ROCK1: variants seen among roughly 807,000 people sequenced by gnomAD.
ROCK1 encodes the protein rho-associated protein kinase 1.
A neutral mutation model predicts 196.8 loss-of-function variants in ROCK1; 36 were observed. The ratio of observed to expected loss-of-function variants is 0.18; its 90% CI spans 0.14 to 0.24. The LOEUF (loss-of-function observed/expected upper bound fraction) is 0.24, where lower values mean the gene tolerates loss of function less well. ROCK1 is among the 10% of genes least tolerant of loss of function. ROCK1 has a pLI of 1.00. For missense variants in ROCK1, 920 were observed against 1,562.0 expected, an observed-to-expected ratio of 0.59 and a Z score of 6.93; for synonymous variants, 443 against 515.9, an observed-to-expected ratio of 0.86 and a Z score of 1.91.
chr18:20,979,536 C>T (rs62089198), intron 22 of ROCK1, among the ~76,000 whole-genome samples: 1,539 of 151,938 alleles, frequency 0.01, 15 homozygotes, highest in Non-Finnish European at 0.018. Context: ...GCAGGAGAAT[C>T]GCTTGAACCC....
At chr18:21,055,779 A>G (rs1316694798) in intron 2 of ROCK1, among the ~76,000 whole-genome samples, 1 of 152,212 alleles carries the variant, frequency 6.6e-6, no homozygotes, top group Non-Finnish European at 1.5e-5. Flanking sequence ...TCCCCACTGC[A>G]GCAAAATTTC....
intron 1 of ROCK1, among the ~76,000 whole-genome samples, chr18:21,107,354 C>T (rs760588368): frequency 6.6e-6 from 1 of 151,636 alleles, no homozygotes; most frequent in Non-Finnish European, 1.5e-5. Context: ...TGGAAGTTTC[C>T]ATTTCTAAGC....
At chr18:20,975,922 C>T (rs931690727) in intron 22 of ROCK1, among the ~76,000 whole-genome samples, 1 of 152,164 alleles carries the variant, frequency 6.6e-6, no homozygotes, top group Non-Finnish European at 1.5e-5. Context: ...ATATGTGGCA[C>T]TTTTAATCAC....
intron 1 of ROCK1, among the ~76,000 whole-genome samples, chr18:21,106,929 T>C (rs1049710575): frequency 6.6e-6 from 1 of 152,218 alleles, no homozygotes; most frequent in African/African-American, 2.4e-5. Context: ...TGAGTATCCC[T>C]TGTTTAAAAT....
intron 9 of ROCK1, among the ~76,000 whole-genome samples, chr18:21,033,854 TAA>T (rs71269004): frequency 0.048 from 1,589 of 33,316 alleles, 14 homozygotes; most frequent in Non-Finnish European, 0.064. Context: ...CCGTTTCTAC[TAA>T]AAAAAAAAAA....
intron 9 of ROCK1, among the ~76,000 whole-genome samples, chr18:21,035,321 G>A (rs2036047585): frequency 3.3e-5 from 5 of 152,176 alleles, no homozygotes; most frequent in Admixed American, 3.3e-4. Context: ...TGCTGGGAAT[G>A]TGAAATGGTG....
At chr18:20,998,581 G>A (rs1253915065) in intron 16 of ROCK1, among the ~76,000 whole-genome samples, 1 of 146,834 alleles carries the variant, frequency 6.8e-6, no homozygotes, top group Non-Finnish European at 1.5e-5. Flanking sequence ...TGACTTTACT[G>A]CTAAATTTTA....
intron 1 of ROCK1, among the ~76,000 whole-genome samples, chr18:21,109,137 A>G (rs1456329068): frequency 6.6e-6 from 1 of 152,172 alleles, no homozygotes. Context: ...TTATCTAAAC[A>G]ATCATCTGGA....
intron 4 of ROCK1, among the ~76,000 whole-genome samples, chr18:21,045,856 A>G (rs2036151092): frequency 6.7e-6 from 1 of 148,784 alleles, no homozygotes; most frequent in Admixed American, 6.7e-5. Flanking sequence ...CAATATCACA[A>G]TGCTCAAGAA....
chr18:21,023,542 T>C, intron 11 of ROCK1, 78 bp downstream of exon 11: 1 of 738,950 alleles, frequency 1.4e-6, no homozygotes. Flanking sequence ...AATATATAAA[T>C]TTACTATCAT....
chr18:20,997,082 G>A (rs1295897268), intron 16 of ROCK1, among the ~76,000 whole-genome samples: 51 of 152,200 alleles, frequency 3.4e-4, no homozygotes, highest in African/African-American at 2.4e-5. Context: ...CAAAATGGCA[G>A]GAGTATGTCC....
intron 18 of ROCK1, among the ~76,000 whole-genome samples, chr18:20,989,005 T>C (rs8094619): frequency 0.03 from 4,597 of 152,192 alleles, 244 homozygotes; most frequent in African/African-American, 0.1. Context: ...GGTAGTAAGA[T>C]TGTAAAGACA....
At position 20,970,464 on chromosome 18, in the gene ROCK1, CAG is replaced by C; in HGVS notation, c.2702_2703del (p.Ser901Ter). ...QLDLAETKAESEQLARGLLEE... is the reference protein window; with the variant it reads ...QLDLAETKAEXEQLARGLLEE... ...TCCAGAAGGCCTCGCGCCAACTGCT[CAG>C]ACTCAGCTTTTGTTTCTGCTAGATC... On this transcript the variant is annotated frameshift_variant, in exon 23 of 33. Coordinates refer to ENST00000399799, the MANE Select transcript of ROCK1 (RefSeq NM_005406.3). LOFTEE classifies it high-confidence loss of function. 6.2e-7 allele frequency: 1 copy of C among 1,613,760 alleles called. No individual in the cohort carries two copies. The highest frequency in any genetic ancestry group is 8.5e-7 in the Non-Finnish European group (1 of 1,179,702).
In ROCK1 at chr18:21,104,373, G is replaced by A. The variant is rs578140477; in HGVS notation, c.93+6445C>T. Among the ~76,000 whole-genome samples, 121 of 152,228 alleles carry A rather than the reference G, an allele frequency of 7.9e-4. 1 individual carries two copies. Among genetic ancestry groups the A allele is most frequent in the Non-Finnish European group, 1.4e-3 (93 of 68,002 alleles). On this transcript the variant is annotated intron_variant, in intron 1 of 32. Transcript: ENST00000399799. ...AGCACTGTGGGAGGCTGAGGCGGGC[G>A]GATCACGAGGCCAGGAGATCGAGAC...
intron 2 of ROCK1, among the ~76,000 whole-genome samples, chr18:21,068,144 T>C (rs2143547687): frequency 6.6e-6 from 1 of 152,346 alleles, no homozygotes; most frequent in East Asian, 1.9e-4. Flanking sequence ...AAAACTTGCC[T>C]AAGGAAAGTG....
intron 9 of ROCK1, among the ~76,000 whole-genome samples, chr18:21,033,653 A>T (rs1478403318): frequency 6.6e-6 from 1 of 151,894 alleles, no homozygotes; most frequent in Non-Finnish European, 1.5e-5. Context: ...CAAGATCAGA[A>T]ATAAAAGTTC....
chr18:21,006,623 A>T, intron 15 of ROCK1, 26 bp from the exon 16 acceptor site: 1 of 1,602,976 alleles, frequency 6.2e-7, no homozygotes, highest in Non-Finnish European at 8.5e-7. Context: ...GCAAAAAAAT[A>T]GGTTTCTGAC....
At chr18:20,965,404 T>TATACATACATACATATATACATAC (rs2035364127) in intron 27 of ROCK1, among the ~76,000 whole-genome samples, 2 of 146,696 alleles carry the variant, frequency 1.4e-5, no homozygotes, top group African/African-American at 5.0e-5. Flanking sequence ...TACATACATA[T>TATACATACATACATATATACATAC]ATACATACAT....
intron 23 of ROCK1, among the ~76,000 whole-genome samples, chr18:20,969,574 T>C (rs1431433957): frequency 2.6e-5 from 4 of 152,188 alleles, no homozygotes; most frequent in Admixed American, 6.5e-5. Context: ...TATCTGAATA[T>C]TGATGATGAA....
Sources: gnomAD v4.1 joint callset for allele counts (sites outside exome capture counted in the v4.1 genomes callset) on GRCh38, gnomAD v4.1.1 for gene constraint, MANE v1.5 for transcripts, NCBI Gene and HGNC (gene_info 2026-07-23, HGNC 2026-07-21) for gene names.